The following CSMD1 variants were observed in gnomAD, a reference collection of about 807,000 sequenced individuals.
The protein encoded by CSMD1 is CUB and Sushi multiple domains 1, also known as CUB and sushi domain-containing protein 1.
In CSMD1, 213 loss-of-function variants were observed where a neutral mutation model predicts 417.5. The observed-to-expected ratio is 0.51, with a 90% CI of 0.46 to 0.57. CSMD1 has a LOEUF of 0.57. CSMD1 is among the 20% of genes least tolerant of loss of function. The pLI, the probability that CSMD1 is intolerant of heterozygous loss-of-function variation, is 0.00. For synonymous variants in CSMD1, 2,862 were observed against 1,736.8 expected (o/e 1.65, Z -16.11); for missense variants, 6,923 against 4,529.7 (o/e 1.53, Z -15.17).
intron 9 of CSMD1, among the ~76,000 whole-genome samples, chr8:3,584,723 C>G (rs1160865916): frequency 1.3e-5 from 2 of 152,274 alleles, no homozygotes; most frequent in East Asian, 1.9e-4. Flanking sequence ...TACTATTTGT[C>G]TAAAGTGAAC....
At chr8:4,383,915 A>C (rs1432431487) in intron 3 of CSMD1, among the ~76,000 whole-genome samples, 1 of 152,236 alleles carries the variant, frequency 6.6e-6, no homozygotes, top group African/African-American at 2.4e-5. Flanking sequence ...AATGTTTATA[A>C]ATATGATACC....
intron 2 of CSMD1, among the ~76,000 whole-genome samples, chr8:4,566,583 G>C (rs995581480): frequency 6.7e-6 from 1 of 150,074 alleles, no homozygotes; most frequent in Non-Finnish European, 1.5e-5. Context: ...AACCCAGGAG[G>C]TGGAGCTTGC....
chr8:3,150,621 G>C (rs1327059443), intron 40 of CSMD1, among the ~76,000 whole-genome samples: 1 of 152,086 alleles, frequency 6.6e-6, no homozygotes, highest in Non-Finnish European at 1.5e-5. Flanking sequence ...CTACTATTTA[G>C]TACAGAAATA....
At chr8:3,777,820 T>G (rs1798973931) in intron 5 of CSMD1, among the ~76,000 whole-genome samples, 1 of 148,378 alleles carries the variant, frequency 6.7e-6, no homozygotes, top group African/African-American at 2.5e-5. Context: ...CAGTTCCCAC[T>G]CCAGACCCGC....
At chr8:4,593,618 T>G (rs960645646) in intron 2 of CSMD1, among the ~76,000 whole-genome samples, 1 of 152,158 alleles carries the variant, frequency 6.6e-6, no homozygotes, top group Non-Finnish European at 1.5e-5. Context: ...AATATTTTTA[T>G]GATTTTTGTG....
intron 1 of CSMD1, among the ~76,000 whole-genome samples, chr8:4,803,540 CT>C (rs780183958): frequency 6.6e-6 from 1 of 152,138 alleles, no homozygotes; most frequent in Non-Finnish European, 1.5e-5. Flanking sequence ...ACAAATTTGA[CT>C]GTAAATCTCA....
intron 1 of CSMD1, among the ~76,000 whole-genome samples, chr8:4,752,251 G>A (rs1382927785): frequency 6.6e-6 from 1 of 152,038 alleles, no homozygotes; most frequent in African/African-American, 2.4e-5. Context: ...GTATAACTGT[G>A]TACTTGTCTT....
chr8:4,255,565 AT>A (rs1188406054), intron 3 of CSMD1, among the ~76,000 whole-genome samples: 5 of 152,162 alleles, frequency 3.3e-5, no homozygotes, highest in Non-Finnish European at 7.3e-5. Context: ...TCTAGATAGA[AT>A]TTTTTCTAAG....
chr8:4,783,467 T>C (rs1046496530), intron 1 of CSMD1, among the ~76,000 whole-genome samples: 2 of 152,176 alleles, frequency 1.3e-5, no homozygotes, highest in African/African-American at 2.4e-5. Flanking sequence ...GTCAGAACAA[T>C]GTATCCAAGA....
In CSMD1 at chr8:4,608,162, G is replaced by C. The variant is rs139928169; in HGVS notation, c.302+29180C>G. On this transcript the variant is annotated intron_variant, in intron 2 of 69. Coordinates refer to ENST00000635120, the MANE Select transcript of CSMD1 (RefSeq NM_033225.6). ...AGGGAGGCATTAGAGGGGACCCTAG[G>C]AGTCTTTTCAGGGCAAAGTAAAGAG... Among the ~76,000 whole-genome samples the C allele has an allele frequency of 1.9e-3, 296 of 152,282 alleles. 1 individual carries two copies. The highest frequency in any genetic ancestry group is 6.8e-3 in the African/African-American group (283 of 41,568).
chr8:4,832,072 C>T (rs1425924208), intron 1 of CSMD1, among the ~76,000 whole-genome samples: 1 of 152,212 alleles, frequency 6.6e-6, no homozygotes, highest in Non-Finnish European at 1.5e-5. Flanking sequence ...CCAACCAAAG[C>T]TTCTATCTAC....
At chr8:2,946,044 A>G (rs2128916039) in intron 68 of CSMD1, among the ~76,000 whole-genome samples, 1 of 152,284 alleles carries the variant, frequency 6.6e-6, no homozygotes, top group Non-Finnish European at 1.5e-5. Flanking sequence ...ACACACCTAG[A>G]CGGTGTTGCC....
intron 3 of CSMD1, among the ~76,000 whole-genome samples, chr8:4,110,707 GT>G (rs1191330981): frequency 6.6e-6 from 1 of 151,720 alleles, no homozygotes; most frequent in Non-Finnish European, 1.5e-5. Context: ...TAATTTCAGG[GT>G]TTTTTTTCCC....
At chr8:3,929,375 G>C (rs898146377) in intron 5 of CSMD1, among the ~76,000 whole-genome samples, 2 of 150,422 alleles carry the variant, frequency 1.3e-5, no homozygotes, top group African/African-American at 2.5e-5. Flanking sequence ...GAAAAAGTTC[G>C]TGAATGTTCA....
chr8:4,258,156 G>A (rs1194982038), intron 3 of CSMD1, among the ~76,000 whole-genome samples: 1 of 150,416 alleles, frequency 6.6e-6, no homozygotes, highest in African/African-American at 2.5e-5. Context: ...TGTTGTTCAG[G>A]CTGGTCTCAA....
chr8:3,845,829 T>A (rs905631751), intron 5 of CSMD1, among the ~76,000 whole-genome samples: 1 of 151,726 alleles, frequency 6.6e-6, no homozygotes, highest in African/African-American at 2.4e-5. Flanking sequence ...TTCTTCTATT[T>A]AATTTTTTTT....
At chr8:4,906,671 C>G (rs1284256676) in intron 1 of CSMD1, among the ~76,000 whole-genome samples, 1 of 152,054 alleles carries the variant, frequency 6.6e-6, no homozygotes, top group Admixed American at 6.5e-5. Flanking sequence ...ATTCTCCTGC[C>G]TCAGTCTCCC....
intron 1 of CSMD1, among the ~76,000 whole-genome samples, chr8:4,786,755 C>A (rs1797422013): frequency 6.6e-6 from 1 of 151,886 alleles, no homozygotes; most frequent in African/African-American, 2.4e-5. Flanking sequence ...TTTCTTAACA[C>A]ATGTTTCTTT....
rs1468355599 is a variant in CSMD1, at chr8:3,431,326, T to C, written c.1562-21721A>G. On this transcript the variant is annotated intron_variant, in intron 12 of 69. Coordinates refer to ENST00000635120, the MANE Select transcript of CSMD1 (RefSeq NM_033225.6). ...TAACCCTGCATACTCTCCTCTGCTC[T>C]ACAGAAAGGCAGTAACTTGGAGAGT... 2.6e-5 allele frequency among the ~76,000 whole-genome samples: 4 copies of C among 152,192 alleles called. No homozygotes were observed. The East Asian group carries it at 5.8e-4, about 22-fold the overall frequency.
Sources: gnomAD v4.1 joint callset for allele counts (sites outside exome capture counted in the v4.1 genomes callset) on GRCh38, gnomAD v4.1.1 for gene constraint, MANE v1.5 for transcripts, NCBI Gene and HGNC (gene_info 2026-07-23, HGNC 2026-07-21) for gene names.